CATSPERB: variants seen among roughly 807,000 people sequenced by gnomAD.
The protein encoded by CATSPERB is cation channel sperm-associated auxiliary subunit beta.
A neutral mutation model predicts 128.3 loss-of-function variants in CATSPERB; 93 were observed. The observed-to-expected ratio is 0.72, with a 90% confidence interval of 0.61 to 0.86. The LOEUF is 0.86. Among genes scored for constraint, CATSPERB ranks in the 40% least tolerant of loss-of-function variants. The pLI is 0.00. For synonymous variants in CATSPERB, 381 were observed against 448.8 expected (o/e 0.85, Z 1.91); for missense variants, 1,153 against 1,329.5 (o/e 0.87, Z 2.06).
chr14:91,720,206 C>A (rs907200805), intron 4 of CATSPERB, among the ~76,000 whole-genome samples: 1 of 151,816 alleles, frequency 6.6e-6, no homozygotes, highest in East Asian at 1.9e-4. Context: ...AGGAGACAAT[C>A]GTAAAATTAA....
intron 17 of CATSPERB, among the ~76,000 whole-genome samples, chr14:91,625,914 T>C (rs1470781207): frequency 1.3e-5 from 2 of 152,114 alleles, no homozygotes; most frequent in African/African-American, 4.8e-5. Context: ...TGGTTGAGCC[T>C]AGGAGTTCAA....
intron 26 of CATSPERB, among the ~76,000 whole-genome samples, chr14:91,586,035 G>A (rs1209225598): frequency 6.6e-6 from 1 of 152,158 alleles, no homozygotes; most frequent in African/African-American, 2.4e-5. Context: ...TGTCTTCCTG[G>A]TTGGTACCTG....
chr14:91,581,685 G>C (rs1332618664), intron 26 of CATSPERB, among the ~76,000 whole-genome samples: 1 of 152,184 alleles, frequency 6.6e-6, no homozygotes, highest in Admixed American at 6.5e-5. Context: ...TAAATTTCTG[G>C]AGGACAGATA....
intron 19 of CATSPERB, 110 bp from the exon 20 acceptor site, chr14:91,617,846 T>C (rs2139784172): frequency 1.3e-6 from 1 of 786,746 alleles, no homozygotes; most frequent in East Asian, 2.8e-5. Context: ...ATTCTGAAGG[T>C]TGCACAATGA....
At chr14:91,655,052 T>G (rs1894764886) in intron 15 of CATSPERB, among the ~76,000 whole-genome samples, 1 of 151,998 alleles carries the variant, frequency 6.6e-6, no homozygotes, top group African/African-American at 2.4e-5. Context: ...CTCCTGGATC[T>G]TACATAAGAC....
intron 21 of CATSPERB, 87 bp from the exon 22 acceptor site, chr14:91,608,491 A>G: frequency 1.2e-6 from 1 of 828,174 alleles, no homozygotes; most frequent in South Asian, 1.7e-5. Flanking sequence ...AAACCAATCA[A>G]GGCAAAAATT....
At chr14:91,656,732 T>TA (rs1894794692) in intron 15 of CATSPERB, among the ~76,000 whole-genome samples, 1 of 152,012 alleles carries the variant, frequency 6.6e-6, no homozygotes, top group Non-Finnish European at 1.5e-5. Flanking sequence ...GGATTTTTTT[T>TA]AAAAAGTCCC....
rs771348460 is a variant in CATSPERB, at chr14:91,725,146, T to C, written c.102A>G (p.Ala34=). The change falls in exon 3 of 27, where the codon GCA becomes GCG. Residue 34 remains alanine (A), a synonymous_variant. Coordinates refer to ENST00000256343, the MANE Select transcript of CATSPERB (RefSeq NM_024764.4). The stretch of plus-strand genomic sequence containing the variant: ...CTTGAGGGAACCCTTTGTTAGAACA[T>C]GCAAAGCGTTTCTCTGTATCATCTA... ...YNKDDTEKRF[A]CSNKGFPQEN... is the part of the protein sequence containing the mutation. 6 of 1,569,314 alleles carry C rather than the reference T, an allele frequency of 3.8e-6. No homozygotes were observed. Among genetic ancestry groups the C allele is most frequent in the African/African-American group, 2.7e-5 (2 of 73,066 alleles).
At chr14:91,677,237 C>G (rs1306679287) in intron 11 of CATSPERB, among the ~76,000 whole-genome samples, 1 of 152,136 alleles carries the variant, frequency 6.6e-6, no homozygotes, top group African/African-American at 2.4e-5. Flanking sequence ...TCTAATTAAA[C>G]TAAAGAGCTT....
intron 15 of CATSPERB, among the ~76,000 whole-genome samples, chr14:91,647,506 G>A (rs750822078): frequency 4.6e-5 from 7 of 152,176 alleles, no homozygotes; most frequent in Non-Finnish European, 1.0e-4. Flanking sequence ...AGACATACCT[G>A]AGACTGGGTA....
intron 11 of CATSPERB, among the ~76,000 whole-genome samples, chr14:91,677,379 A>G (rs747844226): frequency 6.6e-6 from 1 of 152,248 alleles, no homozygotes. Flanking sequence ...AAAAAATCCC[A>G]TCAAAAAGTG....
intron 15 of CATSPERB, among the ~76,000 whole-genome samples, chr14:91,647,630 C>A (rs1292827971): frequency 6.6e-6 from 1 of 152,114 alleles, no homozygotes; most frequent in Non-Finnish European, 1.5e-5. Flanking sequence ...TGGTAGCAGG[C>A]AAGAGAGCTT....
At chr14:91,700,825 G>C (rs941480588) in intron 7 of CATSPERB, among the ~76,000 whole-genome samples, 3 of 152,082 alleles carry the variant, frequency 2.0e-5, no homozygotes, top group African/African-American at 7.2e-5. Flanking sequence ...AGCTGGGGGA[G>C]GGAAGGGAGC....
At chr14:91,668,575 T>G (rs907665881) in intron 14 of CATSPERB, among the ~76,000 whole-genome samples, 5 of 152,222 alleles carry the variant, frequency 3.3e-5, no homozygotes, top group African/African-American at 1.2e-4. Context: ...CCTTCCATGC[T>G]GTGGAAGCTT....
chr14:91,587,622 G>C (rs368427761), intron 25 of CATSPERB, among the ~76,000 whole-genome samples: 4 of 150,234 alleles, frequency 2.7e-5, no homozygotes. Context: ...ACAATTATCT[G>C]TATTATACCA....
At chr14:91,707,102 C>G (rs1595187144) in intron 6 of CATSPERB, among the ~76,000 whole-genome samples, 1 of 152,118 alleles carries the variant, frequency 6.6e-6, no homozygotes, top group East Asian at 1.9e-4. Context: ...GTTATAATTA[C>G]AATAAAGTCC....
At chr14:91,708,971 A>G (rs1448140641) in intron 5 of CATSPERB, 1 of 152,344 alleles carries the variant, frequency 6.6e-6, no homozygotes, top group African/African-American at 2.4e-5. Flanking sequence ...AAGTGGCTGT[A>G]AGCACAGGCC....
In CATSPERB at chr14:91,608,630, G is replaced by C. The variant is rs1203708147; in HGVS notation, c.2599-226C>G. 1.3e-4 allele frequency among the ~76,000 whole-genome samples: 4 copies of C among 30,016 alleles called. No individual in the cohort carries two copies. In the Admixed American group the frequency reaches 1.7e-3, roughly 13 times the overall value. 19.7% of individuals were successfully genotyped at this position (30,016 alleles called of 152,430 possible). The stretch of plus-strand genomic sequence containing the variant: ...AAATAAGTGAAAAAACTGCCATAAA[G>C]TCAATGCAATTAAAGTTTAAACACT... On this transcript the variant is annotated intron_variant, in intron 21 of 26. Coordinates refer to ENST00000256343, the MANE Select transcript of CATSPERB (RefSeq NM_024764.4).
chr14:91,595,243 A>G (rs907943163), intron 22 of CATSPERB, among the ~76,000 whole-genome samples: 1 of 151,988 alleles, frequency 6.6e-6, no homozygotes, highest in Non-Finnish European at 1.5e-5. Flanking sequence ...TAGGCTTTTA[A>G]ATTGACTTTG....
Sources: allele counts gnomAD v4.1 joint callset (sites outside exome capture counted in the v4.1 genomes callset), GRCh38; gene constraint gnomAD v4.1.1; transcripts MANE v1.5; gene names NCBI Gene and HGNC (gene_info 2026-07-23, HGNC 2026-07-21).